Variants in FAR2 observed in about 807,000 individuals in gnomAD.
FAR2 encodes the protein epididymis secretory protein Li 81.
FAR2 carries 19 observed loss-of-function variants against 56.0 expected under a neutral mutation model. The ratio of observed to expected loss-of-function variants is 0.34; its 90% CI spans 0.24 to 0.50. FAR2 has a LOEUF of 0.50. Among genes scored for constraint, FAR2 ranks in the 20% least tolerant of loss-of-function variants. FAR2 has a pLI of 0.98. For synonymous variants in FAR2, 219 were observed against 218.8 expected (o/e 1.00, Z -0.01); for missense variants, 508 against 642.2 (o/e 0.79, Z 2.26).
At position 29,311,904 on chromosome 12, in the gene FAR2, C is replaced by T; in HGVS notation, c.909C>T (p.Tyr303=). ...CCAGACCTAAGTCAACATTAGTCTA[C>T]CACATTACATCTGGTAACATGAATC... ...AVHRPKSTLV[Y]HITSGNMNPC... is the part of the protein sequence containing the mutation. Residue 303 remains tyrosine, a synonymous_variant, in exon 8 of 12, where the codon TAC becomes TAT. Coordinates refer to ENST00000536681, the MANE Select transcript of FAR2 (RefSeq NM_001271783.2). 6.2e-7 allele frequency: 1 copy of T among 1,610,528 alleles called. No individual in the cohort carries two copies. Among genetic ancestry groups the T allele is most frequent in the South Asian group, 1.1e-5 (1 of 90,608 alleles).
At chr12:29,245,465 A>G (rs963127690) in intron 1 of FAR2, among the ~76,000 whole-genome samples, 5 of 152,202 alleles carry the variant, frequency 3.3e-5, no homozygotes, top group African/African-American at 1.2e-4. Flanking sequence ...CCCCTGAATC[A>G]GAATGGGGTT....
rs2136707162 is a variant in FAR2, at chr12:29,270,567, A to G, written c.118A>G (p.Ile40Val). The G allele has an allele frequency of 3.1e-6, 5 of 1,614,178 alleles. No homozygotes were observed. Among genetic ancestry groups the G allele is most frequent in the East Asian group, 4.5e-5 (2 of 44,884 alleles). Reference protein sequence around the residue: ...LFRTSPDLKVIYILVRPKAGQ... With the variant: ...LFRTSPDLKVVYILVRPKAGQ... ...TCGCACCAGCCCAGACCTGAAAGTC[A>G]TTTACATCCTTGTGAGGCCCAAGGC... is the stretch of plus-strand genomic sequence containing the variant. Residue 40 changes from isoleucine (I) to valine (V), a missense_variant, in exon 2 of 12, where the codon ATT (isoleucine) becomes GTT (valine). Coordinates refer to ENST00000536681, the MANE Select transcript of FAR2 (RefSeq NM_001271783.2).
chr12:29,294,432 C>A (rs186184027), intron 3 of FAR2, among the ~76,000 whole-genome samples: 1 of 152,128 alleles, frequency 6.6e-6, no homozygotes, highest in East Asian at 1.9e-4. Flanking sequence ...ACTGCAACCT[C>A]CGCCTCCTGG....
chr12:29,270,058 A>G (rs550779170), intron 1 of FAR2, among the ~76,000 whole-genome samples: 30 of 152,270 alleles, frequency 2.0e-4, no homozygotes, highest in African/African-American at 6.7e-4. Flanking sequence ...AAATTTCCAG[A>G]TGCTTCTATG....
chr12:29,169,097 C>G (rs570295613), intron 1 of FAR2, among the ~76,000 whole-genome samples: 21 of 152,266 alleles, frequency 1.4e-4, no homozygotes, highest in African/African-American at 5.1e-4. Flanking sequence ...GTTTCCAATC[C>G]TCTAGCTAGA....
intron 1 of FAR2, among the ~76,000 whole-genome samples, chr12:29,220,112 G>A (rs1947668373): frequency 6.6e-6 from 1 of 152,140 alleles, no homozygotes; most frequent in Non-Finnish European, 1.5e-5. Flanking sequence ...TAGAAACAGA[G>A]CTGGCACTAG....
At chr12:29,245,640 C>T (rs1948115540) in intron 1 of FAR2, among the ~76,000 whole-genome samples, 1 of 152,180 alleles carries the variant, frequency 6.6e-6, no homozygotes, top group Non-Finnish European at 1.5e-5. Flanking sequence ...TTTCTTGTCT[C>T]ATTCTCAGCC....
At chr12:29,316,646 C>G (rs1430379064) in intron 8 of FAR2, among the ~76,000 whole-genome samples, 195 bp from the exon 9 acceptor site, 3 of 152,130 alleles carry the variant, frequency 2.0e-5, no homozygotes, top group East Asian at 3.9e-4. Context: ...AATTATTAAC[C>G]CATTCACACT....
intron 1 of FAR2, among the ~76,000 whole-genome samples, chr12:29,269,871 C>T (rs552511387): frequency 5.3e-5 from 8 of 152,192 alleles, no homozygotes; most frequent in Admixed American, 1.3e-4. Flanking sequence ...TCACAAACTG[C>T]TGGGCCAGTC....
rs542667405 is a variant in FAR2, at chr12:29,182,920, A to G, written c.-39+33513A>G. Among the ~76,000 whole-genome samples, 30 of 149,150 alleles carry G rather than the reference A, an allele frequency of 2.0e-4. No homozygotes were observed. The South Asian group carries it at 6.0e-3, about 30-fold the overall frequency. On this transcript the variant is annotated intron_variant, in intron 1 of 11. Transcript: ENST00000536681. ...CCTTCAGGAGGAATTTTCAGAGGGA[A>G]TTATCTTTACTCATTGTCTTTTTTT...
At chr12:29,221,315 C>G (rs1453064365) in intron 1 of FAR2, among the ~76,000 whole-genome samples, 2 of 152,066 alleles carry the variant, frequency 1.3e-5, no homozygotes, top group African/African-American at 2.4e-5. Flanking sequence ...GTAATAACCA[C>G]CTGACCATCA....
chr12:29,235,058 A>G (rs35782026), intron 1 of FAR2, among the ~76,000 whole-genome samples: 6,565 of 152,246 alleles, frequency 0.043, 182 homozygotes, highest in Middle Eastern at 0.088. Flanking sequence ...TAAGTGTTGT[A>G]CTTGTATTGA....
chr12:29,309,278 T>C lies in FAR2; in HGVS notation c.768+48T>C, dbSNP rs202246145. On this transcript the variant is annotated intron_variant, in intron 6 of 11. Coordinates refer to ENST00000536681, the MANE Select transcript of FAR2 (RefSeq NM_001271783.2). ...AACTCCCTGAAATGTAGTAGAGAAA[T>C]AGTAACAAAATTCTTAGTGCTGGCT... The C allele has an allele frequency of 1.6e-3, 2,355 of 1,441,622 alleles. 5 individuals are homozygous for C. The highest frequency in any genetic ancestry group is 7.8e-3 in the East Asian group (339 of 43,700). 89.3% of individuals were successfully genotyped at this position (1,441,622 alleles called of 1,614,324 possible).
chr12:29,296,035 T>C (rs556230053), intron 3 of FAR2, among the ~76,000 whole-genome samples: 19 of 152,106 alleles, frequency 1.2e-4, no homozygotes, highest in Non-Finnish European at 2.5e-4. Flanking sequence ...CCCAAAGTGC[T>C]GGGATTACAG....
chr12:29,329,897 C>G (rs1034909010), intron 10 of FAR2, among the ~76,000 whole-genome samples: 2 of 152,112 alleles, frequency 1.3e-5, no homozygotes, highest in African/African-American at 4.8e-5. Context: ...CATACATAAT[C>G]TACAAGATCC....
At chr12:29,317,551 G>A (rs1404695190) in intron 9 of FAR2, among the ~76,000 whole-genome samples, 1 of 152,174 alleles carries the variant, frequency 6.6e-6, no homozygotes, top group Non-Finnish European at 1.5e-5. Context: ...CATTAAAAAT[G>A]TTCCAGCACA....
chr12:29,207,427 A>G (rs1016856111), intron 1 of FAR2, among the ~76,000 whole-genome samples: 1 of 152,178 alleles, frequency 6.6e-6, no homozygotes, highest in Admixed American at 6.5e-5. Flanking sequence ...AGGAGGGGTC[A>G]CCAAGAGGCA....
rs11050089 is a variant in FAR2, at chr12:29,166,410, G to A, written c.-39+17003G>A. ...AACCTTGTGAGGTGGACCAAGTGTTGTCTTATCTTTCCATGTTGATAATGC... is the reference window on the plus strand; with the variant it reads ...AACCTTGTGAGGTGGACCAAGTGTTATCTTATCTTTCCATGTTGATAATGC... On this transcript the variant is annotated intron_variant, in intron 1 of 11. Transcript: ENST00000536681. Among the ~76,000 whole-genome samples the A allele has an allele frequency of 9.9e-3, 1,509 of 152,256 alleles. 27 individuals carry two copies. Among genetic ancestry groups the A allele is most frequent in the African/African-American group, 0.034 (1,426 of 41,544 alleles).
At chr12:29,149,681 G>C (rs1311324958) in intron 1 of FAR2, among the ~76,000 whole-genome samples, 4 of 152,236 alleles carry the variant, frequency 2.6e-5, no homozygotes, top group African/African-American at 9.6e-5. Context: ...GGTGGGGCGC[G>C]CGGGGGTTGC....
Sources: gnomAD v4.1 joint callset for allele counts (sites outside exome capture counted in the v4.1 genomes callset) on GRCh38, gnomAD v4.1.1 for gene constraint, MANE v1.5 for transcripts, NCBI Gene and HGNC (gene_info 2026-07-23, HGNC 2026-07-21) for gene names.